The following RGS7 variants were observed in gnomAD, a reference collection of about 807,000 sequenced individuals.
RGS7 encodes regulator of G-protein signaling 7.
RGS7 carries 27 observed loss-of-function variants against 81.1 expected under a neutral mutation model. The observed-to-expected ratio is 0.33, with a 90% CI of 0.25 to 0.46. The LOEUF is 0.46. Ranked by LOEUF, RGS7 falls within the 20% of genes least tolerant of loss-of-function variation. The pLI, the probability that RGS7 is intolerant of heterozygous loss-of-function variation, is 1.00. For missense variants in RGS7, 396 were observed against 607.4 expected (o/e 0.65, Z 3.66); for synonymous variants, 208 against 207.7 (o/e 1.00, Z -0.01).
intron 3 of RGS7, among the ~76,000 whole-genome samples, chr1:241,066,536 A>G (rs1235478964): frequency 6.6e-6 from 1 of 152,218 alleles, no homozygotes; most frequent in Non-Finnish European, 1.5e-5. Flanking sequence ...TAATATATAC[A>G]ATTAGCAACA....
chr1:241,173,568 T>G (rs1572985678), intron 2 of RGS7, among the ~76,000 whole-genome samples: 1 of 152,240 alleles, frequency 6.6e-6, no homozygotes, highest in East Asian at 1.9e-4. Context: ...GAGGATTACT[T>G]GAGCCCAGGA....
intron 6 of RGS7, among the ~76,000 whole-genome samples, chr1:240,881,919 C>CT (rs5782168): frequency 0.35 from 51,067 of 145,832 alleles, 9,314 homozygotes; most frequent in East Asian, 0.5. Context: ...CTATAAAAAT[C>CT]TTTTTTTTTT....
chr1:241,243,581 T>A (rs2076367475), intron 2 of RGS7, among the ~76,000 whole-genome samples: 1 of 152,024 alleles, frequency 6.6e-6, no homozygotes, highest in Admixed American at 6.6e-5. Context: ...GGGAAAGAGA[T>A]GGATCAAAGA....
intron 2 of RGS7, among the ~76,000 whole-genome samples, chr1:241,218,773 T>C (rs2074722545): frequency 6.6e-6 from 1 of 152,104 alleles, no homozygotes; most frequent in Non-Finnish European, 1.5e-5. Context: ...GTCTCCCGAG[T>C]AGCTGGGATT....
intron 2 of RGS7, among the ~76,000 whole-genome samples, chr1:241,207,348 C>CATATATATATATATATATATATAT (rs540737449): frequency 0.011 from 1,587 of 143,440 alleles, 30 homozygotes; most frequent in East Asian, 0.047. Context: ...CTTTAAAATG[C>CATATATATATATATATATATATAT]ATATATATAT....
rs980361247 is a variant in RGS7 at position 241,096,243 on chromosome 1, C to T, written c.175+2423G>A. On this transcript the variant is annotated intron_variant, in intron 3 of 18. Transcript: ENST00000440928. ...AGCTGGGAAAGCCAGCAGTCCGTTG[C>T]GAGTTGGGCCACAAAAGAATAGAGG... 3.3e-5 allele frequency among the ~76,000 whole-genome samples: 5 copies of T among 151,884 alleles called. No homozygotes were observed. The South Asian group carries it at 8.3e-4, about 25-fold the overall frequency.
intron 2 of RGS7, among the ~76,000 whole-genome samples, chr1:241,293,876 A>G (rs1405762887): frequency 6.6e-6 from 1 of 152,208 alleles, no homozygotes; most frequent in Non-Finnish European, 1.5e-5. Flanking sequence ...TGTGGAAGAC[A>G]GTGTGGCGAT....
chr1:241,187,068 T>C (rs1251192229), intron 2 of RGS7, among the ~76,000 whole-genome samples: 2 of 152,046 alleles, frequency 1.3e-5, no homozygotes, highest in Non-Finnish European at 2.9e-5. Flanking sequence ...AATGAGAAAA[T>C]TGTGACAATT....
At chr1:241,252,042 T>A (rs1253752044) in intron 2 of RGS7, among the ~76,000 whole-genome samples, 3 of 150,098 alleles carry the variant, frequency 2.0e-5, no homozygotes, top group Non-Finnish European at 4.4e-5. Flanking sequence ...TTTCTTTCTT[T>A]CTTTTTCTTT....
chr1:241,100,179 T>A (rs2064616869), intron 2 of RGS7, among the ~76,000 whole-genome samples: 1 of 151,182 alleles, frequency 6.6e-6, no homozygotes, highest in Non-Finnish European at 1.5e-5. Flanking sequence ...ATCGAGACCA[T>A]CCTGGCTAAC....
intron 4 of RGS7, among the ~76,000 whole-genome samples, chr1:240,959,614 C>A (rs562426026): frequency 1.3e-5 from 2 of 152,106 alleles, no homozygotes; most frequent in Non-Finnish European, 2.9e-5. Flanking sequence ...CTGACCGAAA[C>A]GTTGTTATGG....
chr1:241,209,210 T>G (rs1434502131), intron 2 of RGS7, among the ~76,000 whole-genome samples: 1 of 152,196 alleles, frequency 6.6e-6, no homozygotes, highest in African/African-American at 2.4e-5. Context: ...AACAGTGCTT[T>G]GATGGCCTGG....
At chr1:241,223,619 T>G (rs897480264) in intron 2 of RGS7, among the ~76,000 whole-genome samples, 2 of 151,934 alleles carry the variant, frequency 1.3e-5, no homozygotes, top group Non-Finnish European at 2.9e-5. Flanking sequence ...AATAGCGCAT[T>G]CAAATATTGT....
intron 2 of RGS7, among the ~76,000 whole-genome samples, chr1:241,354,334 G>A (rs992895883): frequency 1.3e-5 from 2 of 152,138 alleles, no homozygotes; most frequent in Non-Finnish European, 2.9e-5. Flanking sequence ...TTAAACTCAA[G>A]TAGATTATTT....
chr1:241,266,076 A>G (rs532636222), intron 2 of RGS7, among the ~76,000 whole-genome samples: 4 of 152,118 alleles, frequency 2.6e-5, no homozygotes, highest in African/African-American at 9.6e-5. Flanking sequence ...TTACAGGCAT[A>G]AGCCACCGCG....
rs541074739 is a variant in RGS7 at position 241,041,961 on chromosome 1, G to A, written c.175+56705C>T. 5.3e-4 allele frequency among the ~76,000 whole-genome samples: 80 copies of A among 152,260 alleles called. 2 individuals carry two copies. In the South Asian group the frequency reaches 0.016, roughly 31 times the overall value. ...AGAGCATCGTGGGCTGGCTGTAAAT[G>A]TCTGTGGGATGACTTAGTAAATGAG... On this transcript the variant is annotated intron_variant, in intron 3 of 18. Transcript: ENST00000440928.
intron 4 of RGS7, 132 bp from the exon 5 acceptor site, chr1:240,936,838 T>C: frequency 1.4e-6 from 1 of 708,380 alleles, no homozygotes; most frequent in South Asian, 1.6e-5. Context: ...ATTTCTGACT[T>C]CCTTGTTCTT....
At position 241,354,740 on chromosome 1, in the gene RGS7, G is replaced by A. The variant is rs372066893; in HGVS notation, c.78+959C>T. 2.0e-5 allele frequency among the ~76,000 whole-genome samples: 3 copies of A among 152,230 alleles called. No homozygotes were observed. The East Asian group carries it at 5.8e-4, about 29-fold the overall frequency. On this transcript the variant is annotated intron_variant, in intron 2 of 18. Coordinates refer to ENST00000440928, the MANE Select transcript of RGS7 (RefSeq NM_001364886.1). ...TTCAATGGGCTTTTCTCTAATTAAA[G>A]CCTTTAACAATTTTGGGGTGTTTCA... is the stretch of plus-strand genomic sequence containing the variant.
Position 241,315,107 on chromosome 1 carries a change from C to CTTTTTTTTTTTTTTTTTTTTTTT in RGS7, c.78+40569_78+40591dup, listed in dbSNP as rs5782184. Among the ~76,000 whole-genome samples the CTTTTTTTTTTTTTTTTTTTTTTT allele has an allele frequency of 1.7e-4, 10 of 57,432 alleles. 1 individual carries two copies. Among genetic ancestry groups the CTTTTTTTTTTTTTTTTTTTTTTT allele is most frequent in the South Asian group, 9.3e-4 (1 of 1,070 alleles). 37.7% of individuals were successfully genotyped at this position (57,432 alleles called of 152,430 possible). On this transcript the variant is annotated intron_variant, in intron 2 of 18. Coordinates refer to ENST00000440928, the MANE Select transcript of RGS7 (RefSeq NM_001364886.1). ...GAAGCTTTTTTTTTTTCTTCTTCTTCTTTTTTTTTTTTTTTTTTTTTTTTT... is the reference window on the plus strand; with the variant it reads ...GAAGCTTTTTTTTTTTCTTCTTCTTCTTTTTTTTTTTTTTTTTTTTTTTTTTTTTTTTTTTTTTTTTTTTTTTT...
Sources: allele counts gnomAD v4.1 joint callset (sites outside exome capture counted in the v4.1 genomes callset), GRCh38; gene constraint gnomAD v4.1.1; transcripts MANE v1.5; gene names NCBI Gene and HGNC (gene_info 2026-07-23, HGNC 2026-07-21).